MS4A13: variants seen among roughly 807,000 people sequenced by gnomAD.
MS4A13 encodes the protein membrane spanning 4-domains A13, also known as membrane-spanning 4-domains subfamily A member 13.
MS4A13 carries 21 observed loss-of-function variants against 18.4 expected under a neutral mutation model. That is an observed-to-expected ratio of 1.14 (90% confidence interval 0.81 to 1.64). The LOEUF is 1.64. Among genes scored for constraint, MS4A13 ranks in the 40% most tolerant of loss-of-function variants. The pLI is 0.00. For missense variants in MS4A13, 173 were observed against 176.8 expected, an observed-to-expected ratio of 0.98 and a Z score of 0.12; for synonymous variants, 62 against 57.2, an observed-to-expected ratio of 1.08 and a Z score of -0.38.
chr11:60,528,578 G>T (rs1465519381), intron 5 of MS4A13, among the ~76,000 whole-genome samples: 1 of 152,064 alleles, frequency 6.6e-6, no homozygotes. Context: ...GAATATAAAA[G>T]ATATTAAATA....
At chr11:60,518,588 A>G (rs2086653675) in intron 3 of MS4A13, among the ~76,000 whole-genome samples, 2 of 152,188 alleles carry the variant, frequency 1.3e-5, no homozygotes, top group South Asian at 4.1e-4. Context: ...ATTTTTCATT[A>G]CTAACACTCT....
At chr11:60,531,981 A>G (rs2086770817) in intron 6 of MS4A13, among the ~76,000 whole-genome samples, 3 of 152,206 alleles carry the variant, frequency 2.0e-5, no homozygotes, top group South Asian at 2.1e-4. Context: ...GGCAATCAGA[A>G]TCTAAAATTG....
intron 6 of MS4A13, 131 bp downstream of exon 6, chr11:60,529,591 A>AT (rs1449780026): frequency 1.6e-5 from 7 of 429,090 alleles, no homozygotes; most frequent in Admixed American, 8.9e-5. Context: ...TATTGCCTTT[A>AT]TTTTTTATTT....
At chr11:60,531,068 T>C (rs4939396) in intron 6 of MS4A13, among the ~76,000 whole-genome samples, 25,026 of 152,130 alleles carry the variant, frequency 0.16, 2,306 homozygotes, top group East Asian at 0.27. Flanking sequence ...ACTAATATAC[T>C]ACCCCACCCT....
downstream of MS4A13, chr11:60,542,789 G>C: frequency 2.6e-6 from 1 of 387,110 alleles, no homozygotes; most frequent in South Asian, 6.0e-5. Flanking sequence ...GATTATTACA[G>C]GATGAATGTG....
chr11:60,529,255 CTTTTTTTTT>C, intron 5 of MS4A13, 101 bp from the exon 6 acceptor site: 1 of 171,078 alleles, frequency 5.8e-6, no homozygotes, highest in Non-Finnish European at 1.1e-5. Context: ...ATTTTCCTTC[CTTTTTTTTT>C]TTTTTTTTTT....
chr11:60,542,807 G>A, downstream of MS4A13: 1 of 344,616 alleles, frequency 2.9e-6, no homozygotes, highest in African/African-American at 2.1e-5. Context: ...GTGTTATCTA[G>A]GTACGCTGAA....
intron 5 of MS4A13, among the ~76,000 whole-genome samples, chr11:60,526,095 A>G (rs1323622441): frequency 1.3e-5 from 2 of 151,980 alleles, no homozygotes; most frequent in Non-Finnish European, 2.9e-5. Context: ...ACACACTTTC[A>G]CTCCATACCT....
At chr11:60,541,626 T>A (rs931934201) in intron 6 of MS4A13, among the ~76,000 whole-genome samples, 1 of 152,082 alleles carries the variant, frequency 6.6e-6, no homozygotes, top group South Asian at 2.1e-4. Context: ...ATTGACCTTA[T>A]CTAAAAGTCA....
intron 6 of MS4A13, among the ~76,000 whole-genome samples, chr11:60,538,204 A>C (rs960319466): frequency 2.6e-5 from 4 of 151,226 alleles, no homozygotes; most frequent in Admixed American, 6.6e-5. Context: ...AAAAAAAAAA[A>C]CAAAGTTGAA....
At chr11:60,542,446 A>C in intron 6 of MS4A13, 73 bp from the exon 7 acceptor site, 1 of 1,031,542 alleles carries the variant, frequency 9.7e-7, no homozygotes, top group Non-Finnish European at 1.4e-6. Flanking sequence ...ATTTTTTAAG[A>C]AAAAGATCTA....
At chr11:60,538,179 A>AT (rs1274085087) in intron 6 of MS4A13, among the ~76,000 whole-genome samples, 3 of 143,326 alleles carry the variant, frequency 2.1e-5, no homozygotes, top group African/African-American at 5.3e-5. Flanking sequence ...AAGTATAATA[A>AT]AAAAAAAAAA....
intron 5 of MS4A13, among the ~76,000 whole-genome samples, chr11:60,527,408 CTCTGTGTGTGTG>C (rs2086725622): frequency 2.8e-5 from 1 of 35,540 alleles, no homozygotes; most frequent in African/African-American, 1.0e-4. Context: ...CTCTCTCTCT[CTCTGTGTGTGTG>C]TGTGTGTGTG....
chr11:60,522,235 G>GATGTATATATATATATATATATCT lies in MS4A13; in HGVS notation c.130-1660_130-1659insGTATATATATATATATATATCTAT, dbSNP rs1231071278. ...AGATAGATAGATAGATAGATAGATA[G>GATGTATATATATATATATATATCT]ATAGATGTATATATATAGATATATA... is the stretch of plus-strand genomic sequence containing the variant. On this transcript the variant is annotated intron_variant, in intron 3 of 6. Transcript: ENST00000378186. Among the ~76,000 whole-genome samples, 17 of 112,188 alleles carry GATGTATATATATATATATATATCT rather than the reference G, an allele frequency of 1.5e-4. 1 individual carries two copies. In the South Asian group the frequency reaches 2.3e-3, roughly 15 times the overall value. The allele number at this position is 112,188 out of a possible 152,430, so 73.6% of individuals were successfully genotyped here.
At chr11:60,521,014 G>A (rs967207780) in intron 3 of MS4A13, among the ~76,000 whole-genome samples, 1 of 152,350 alleles carries the variant, frequency 6.6e-6, no homozygotes, top group East Asian at 1.9e-4. Context: ...ACACCACATG[G>A]AAACTGTCAA....
At chr11:60,522,197 CAGATAGAT>C (rs1162980039) in intron 3 of MS4A13, among the ~76,000 whole-genome samples, 52 of 129,902 alleles carry the variant, frequency 4.0e-4, no homozygotes, top group African/African-American at 1.4e-3. Context: ...AAAGATCAGA[CAGATAGAT>C]AGATAGATAG....
At chr11:60,523,762 AT>A in intron 3 of MS4A13, 134 bp from the exon 4 acceptor site, 3 of 596,994 alleles carry the variant, frequency 5.0e-6, no homozygotes, top group Non-Finnish European at 8.9e-6. Flanking sequence ...GTCCTGACCC[AT>A]CTACTAAAAC....
At chr11:60,522,044 C>T (rs1200945625) in intron 3 of MS4A13, among the ~76,000 whole-genome samples, 1 of 152,032 alleles carries the variant, frequency 6.6e-6, no homozygotes, top group African/African-American at 2.4e-5. Context: ...TCTCATAGGA[C>T]TTATTCACTA....
At chr11:60,538,352 A>G (rs989964660) in intron 6 of MS4A13, among the ~76,000 whole-genome samples, 5 of 151,724 alleles carry the variant, frequency 3.3e-5, no homozygotes, top group Non-Finnish European at 7.4e-5. Flanking sequence ...TCAATTACGT[A>G]GACTGGGGAC....
Sources: gnomAD v4.1 joint callset for allele counts (sites outside exome capture counted in the v4.1 genomes callset) on GRCh38, gnomAD v4.1.1 for gene constraint, MANE v1.5 for transcripts, NCBI Gene and HGNC (gene_info 2026-07-23, HGNC 2026-07-21) for gene names.